UMPS: variants seen among roughly 807,000 people sequenced by gnomAD.
UMPS encodes uridine monophosphate synthetase, also known as uridine 5'-monophosphate synthase.
UMPS carries 21 observed loss-of-function variants against 38.9 expected under a neutral mutation model. That is an observed-to-expected ratio of 0.54 (90% CI 0.38 to 0.78). UMPS has a LOEUF of 0.78. Among genes scored for constraint, UMPS ranks in the 30% least tolerant of loss-of-function variants. UMPS has a pLI of 0.00. For missense variants in UMPS, 533 were observed against 591.6 expected (o/e 0.90, Z 1.03); for synonymous variants, 208 against 219.3 (o/e 0.95, Z 0.45).
intron 5 of UMPS, chr3:124,742,518 C>T: frequency 1.9e-6 from 1 of 518,430 alleles, no homozygotes; most frequent in Non-Finnish European, 3.5e-6. Flanking sequence ...AATGAGATAA[C>T]ATGTAGAATA....
rs1383792326 is a variant in UMPS, at chr3:124,739,887, A to G, written c.983-137A>G. ...AACCATGGGTCTGCTGATAATCACT[A>G]AAGTTCCTGAAGAGTTTTGATTCTC... is the stretch of plus-strand genomic sequence containing the variant. On this transcript the variant is annotated intron_variant, in intron 3 of 5. Coordinates refer to ENST00000232607, the MANE Select transcript of UMPS (RefSeq NM_000373.4). The G allele has an allele frequency of 7.0e-6, 6 of 853,358 alleles. No homozygotes were observed. In the Admixed American group the frequency reaches 8.1e-5, roughly 12 times the overall value. The allele number at this position is 853,358 out of a possible 1,614,324, so 52.9% of individuals were successfully genotyped here. A position where few individuals can be genotyped will look rare whatever the true frequency, so the allele number is the denominator to read the frequency against.
chr3:124,731,547 G>C, intron 1 of UMPS: 1 of 434,538 alleles, frequency 2.3e-6, no homozygotes, highest in South Asian at 1.7e-5. Flanking sequence ...GTGCAGCTCT[G>C]TGATCATAGC....
intron 2 of UMPS, among the ~76,000 whole-genome samples, chr3:124,735,491 AT>A (rs34855780): frequency 1.1e-3 from 155 of 144,340 alleles, no homozygotes; most frequent in Middle Eastern, 3.7e-3. Flanking sequence ...AAACTCCAAC[AT>A]TTTTTTTTTT....
At chr3:124,734,302 T>C (rs1252692949) in intron 1 of UMPS, among the ~76,000 whole-genome samples, 2 of 152,204 alleles carry the variant, frequency 1.3e-5, no homozygotes, top group African/African-American at 4.8e-5. Context: ...ATATGTATCC[T>C]AACATTAAAA....
intron 2 of UMPS, among the ~76,000 whole-genome samples, chr3:124,735,494 T>G (rs1463840024): frequency 6.6e-6 from 1 of 152,076 alleles, no homozygotes. Context: ...CTCCAACATT[T>G]TTTTTTTTTA....
At position 124,744,446 on chromosome 3, in the gene UMPS, A is replaced by G. The variant is rs1011275680; in HGVS notation, c.*362A>G. Reference sequence around the variant, plus strand: ...TTAATTTTTTTCGAGACAGGATCTCACTCTGTTGCCCAGGATGGAGTGCAG... The same window carrying G: ...TTAATTTTTTTCGAGACAGGATCTCGCTCTGTTGCCCAGGATGGAGTGCAG... On this transcript the variant is annotated 3_prime_UTR_variant, in exon 6 of 6. Coordinates refer to ENST00000232607, the MANE Select transcript of UMPS (RefSeq NM_000373.4). 13 of 454,438 alleles carry G rather than the reference A, an allele frequency of 2.9e-5. No individual in the cohort carries two copies. Among genetic ancestry groups the G allele is most frequent in the Admixed American group, 2.4e-4 (10 of 42,542 alleles). 28.2% of individuals were successfully genotyped at this position (454,438 alleles called of 1,614,324 possible). A position where few individuals can be genotyped will look rare whatever the true frequency, so the allele number is the denominator to read the frequency against.
In UMPS at chr3:124,747,240, C is replaced by G. The variant is rs1357401711; in HGVS notation, c.*3156C>G. 1 of 451,074 alleles carries G rather than the reference C, an allele frequency of 2.2e-6. No individual in the cohort carries two copies. The highest frequency in any genetic ancestry group is 2.0e-5 in the African/African-American group (1 of 49,644). The allele number at this position is 451,074 out of a possible 1,614,324, so 27.9% of individuals were successfully genotyped here. ...GGTGGAGGAGGTTCTCACTGTGACTCAGTGTGTGCCCGACAGCAGAGCCCA... is the reference window on the plus strand; with the variant it reads ...GGTGGAGGAGGTTCTCACTGTGACTGAGTGTGTGCCCGACAGCAGAGCCCA... On this transcript the variant is annotated 3_prime_UTR_variant, in exon 6 of 6. Transcript: ENST00000232607.
chr3:124,738,398 C>G (rs1377318722), intron 3 of UMPS, 159 bp downstream of exon 3: 1 of 729,664 alleles, frequency 1.4e-6, no homozygotes, highest in African/African-American at 1.8e-5. Flanking sequence ...CTTGCTTTCT[C>G]TCCATCTCTC....
Position 124,745,836 on chromosome 3 carries a change from C to T in UMPS, c.*1752C>T, listed in dbSNP as rs1279517855. On this transcript the variant is annotated 3_prime_UTR_variant, in exon 6 of 6. Transcript: ENST00000232607. ...GAGTGATGTGCTGAGGTCTCAGGCG[C>T]CCACCTCCCTGGCTGTCACTTCCAT... is the stretch of plus-strand genomic sequence containing the variant. The T allele has an allele frequency of 4.4e-6, 2 of 453,926 alleles. No individual in the cohort carries two copies. Among genetic ancestry groups the T allele is most frequent in the Non-Finnish European group, 8.8e-6 (2 of 226,784 alleles). The allele number at this position is 453,926 out of a possible 1,614,324, so 28.1% of individuals were successfully genotyped here.
chr3:124,743,968 G>A lies in UMPS; in HGVS notation c.1327G>A (p.Gly443Ser). The change falls in exon 6 of 6, where the codon GGT (glycine) becomes AGT (serine). Residue 443 changes from glycine (G) to serine (S), a missense_variant. Transcript: ENST00000232607. ...CCCACAAGAAGTTATTGGCAAACGA[G>A]GTTCCGATATCATCATTGTAGGTCG... ...NSPQEVIGKR[G>S]SDIIIVGRGI... 4 of 1,614,222 alleles carry A rather than the reference G, an allele frequency of 2.5e-6. No homozygotes were observed. Among genetic ancestry groups the A allele is most frequent in the Non-Finnish European group, 3.4e-6 (4 of 1,180,034 alleles).
In UMPS at chr3:124,745,501, C is replaced by T. The variant is rs903156230; in HGVS notation, c.*1417C>T. ...GCCTCAGCCTCCCGAGTAGCTGGGA[C>T]TACAAGCCTAGGATTTTTAACTCAG... On this transcript the variant is annotated 3_prime_UTR_variant, in exon 6 of 6. Coordinates refer to ENST00000232607, the MANE Select transcript of UMPS (RefSeq NM_000373.4). 1.3e-5 allele frequency: 6 copies of T among 453,952 alleles called. No homozygotes were observed. The highest frequency in any genetic ancestry group is 9.3e-5 in the South Asian group (6 of 64,468). The allele number at this position is 453,952 out of a possible 1,614,324, so 28.1% of individuals were successfully genotyped here.
rs768018432 is a variant in UMPS at position 124,740,213 on chromosome 3, G to T, written c.1158+14G>T. 1.8e-5 allele frequency: 28 copies of T among 1,599,344 alleles called. No individual in the cohort carries two copies. The highest frequency in any genetic ancestry group is 2.2e-5 in the Non-Finnish European group (26 of 1,171,110). The stretch of plus-strand genomic sequence containing the variant: ...ACTAGAGCAGCGGTAAGTGGTGGGG[G>T]GACTGGGTGAGAGGGGGCAGGGGCT... On this transcript the variant is annotated intron_variant, in intron 4 of 5. Coordinates refer to ENST00000232607, the MANE Select transcript of UMPS (RefSeq NM_000373.4).
rs1157878251 is a variant in UMPS at position 124,744,438 on chromosome 3, A to G, written c.*354A>G. ...TTTATTTTTTAATTTTTTTCGAGAC[A>G]GGATCTCACTCTGTTGCCCAGGATG... is the stretch of plus-strand genomic sequence containing the variant. On this transcript the variant is annotated 3_prime_UTR_variant, in exon 6 of 6. Transcript: ENST00000232607. 2.6e-5 allele frequency: 12 copies of G among 455,254 alleles called. No homozygotes were observed. Among genetic ancestry groups the G allele is most frequent in the African/African-American group, 2.4e-4 (12 of 50,044 alleles). The allele number at this position is 455,254 out of a possible 1,614,324, so 28.2% of individuals were successfully genotyped here.
At chr3:124,743,522 C>T (rs1251402213) in intron 5 of UMPS, among the ~76,000 whole-genome samples, 2 of 151,606 alleles carry the variant, frequency 1.3e-5, no homozygotes, top group Non-Finnish European at 2.9e-5. Context: ...CCTGTAGTCC[C>T]AGCTACTCGG....
At position 124,744,225 on chromosome 3, in the gene UMPS, C is replaced by A; in HGVS notation, c.*141C>A. On this transcript the variant is annotated 3_prime_UTR_variant, in exon 6 of 6. Coordinates refer to ENST00000232607, the MANE Select transcript of UMPS (RefSeq NM_000373.4). ...CTGTGTAAGAATGGGTTCTGGAGTT[C>A]TCATGGTCTTTAGGAAATATTGAGT... 1 of 957,580 alleles carries A rather than the reference C, an allele frequency of 1.0e-6. No individual in the cohort carries two copies. Among genetic ancestry groups the A allele is most frequent in the Non-Finnish European group, 1.6e-6 (1 of 617,022 alleles). 59.3% of individuals were successfully genotyped at this position (957,580 alleles called of 1,614,324 possible).
At chr3:124,731,333 A>G (rs1363007664) in intron 1 of UMPS, among the ~76,000 whole-genome samples, 1 of 152,222 alleles carries the variant, frequency 6.6e-6, no homozygotes, top group Non-Finnish European at 1.5e-5. Flanking sequence ...ATCAGAGCCC[A>G]GAGAGACTTC....
chr3:124,745,886 C>T lies in UMPS; in HGVS notation c.*1802C>T, dbSNP rs796471011. On this transcript the variant is annotated 3_prime_UTR_variant, in exon 6 of 6. Transcript: ENST00000232607. ...TGTGTCAGTGGTTCTCCCACTTTAG[C>T]AGGTATCAGAGTCACCTGGAGTCTT... 15 of 454,124 alleles carry T rather than the reference C, an allele frequency of 3.3e-5. No individual in the cohort carries two copies. The highest frequency in any genetic ancestry group is 3.0e-4 in the African/African-American group (15 of 50,130). 28.1% of individuals were successfully genotyped at this position (454,124 alleles called of 1,614,324 possible). A position where few individuals can be genotyped will look rare whatever the true frequency, so the allele number is the denominator to read the frequency against.
intron 1 of UMPS, chr3:124,732,655 G>A (rs908630463): frequency 1.9e-5 from 3 of 154,422 alleles, no homozygotes; most frequent in Non-Finnish European, 4.4e-5. Flanking sequence ...CTATCATATT[G>A]GACTGCAAAG....
rs753351302 is a variant in UMPS, at chr3:124,744,001, A to G, written c.1360A>G (p.Ile454Val). 5.0e-6 allele frequency: 8 copies of G among 1,614,134 alleles called. No individual in the cohort carries two copies. The highest frequency in any genetic ancestry group is 5.9e-6 in the Non-Finnish European group (7 of 1,180,050). Reference sequence around the variant, plus strand: ...TATCATCATTGTAGGTCGTGGCATAATCTCAGCAGCTGATCGTCTGGAAGC... The same window carrying G: ...TATCATCATTGTAGGTCGTGGCATAGTCTCAGCAGCTGATCGTCTGGAAGC... ...SDIIIVGRGI[I>V]SAADRLEAAE... Residue 454 changes from isoleucine (I) to valine (V), a missense_variant, in exon 6 of 6, where the codon ATC (isoleucine) becomes GTC (valine). Transcript: ENST00000232607.
Sources: gnomAD v4.1 joint callset for allele counts (sites outside exome capture counted in the v4.1 genomes callset) on GRCh38, gnomAD v4.1.1 for gene constraint, MANE v1.5 for transcripts, NCBI Gene and HGNC (gene_info 2026-07-23, HGNC 2026-07-21) for gene names.